Variants in HTR1D observed in about 807,000 individuals in gnomAD.
HTR1D encodes 5-hydroxytryptamine receptor 1D.
HTR1D carries 18 observed loss-of-function variants against 21.1 expected under a neutral mutation model. That is an observed-to-expected ratio of 0.85 (90% CI 0.59 to 1.27). The LOEUF (loss-of-function observed/expected upper bound fraction) is 1.27. HTR1D is among the 50% of genes most tolerant of loss of function. The pLI is 0.00. For missense variants in HTR1D, 456 were observed against 481.4 expected (o/e 0.95, Z 0.49); for synonymous variants, 196 against 204.4 (o/e 0.96, Z 0.35).
intron 1 of HTR1D, among the ~76,000 whole-genome samples, chr1:23,202,073 TTTGTTGTTG>T (rs371581659): frequency 3.9e-4 from 60 of 151,982 alleles, no homozygotes; most frequent in African/African-American, 1.4e-3. Context: ...TTCGTGGTTT[TTTGTTGTTG>T]TTGTTGTTGT....
At position 23,193,518 on chromosome 1, in the gene HTR1D, G is replaced by C. The variant is rs760471283; in HGVS notation, c.702C>G (p.Leu234=). ...ARNRILNPPS[L]YGKRFTTAHL... ...GGGCCGTGGTGAAGCGCTTCCCATA[G>C]AGTGAGGGTGGATTCAGGATGCGGT... The change falls in exon 2 of 2, where the codon CTC becomes CTG. Residue 234 remains leucine (L), a synonymous_variant. Coordinates refer to ENST00000374619, the MANE Select transcript of HTR1D (RefSeq NM_000864.5). The C allele has an allele frequency of 1.9e-6, 3 of 1,613,916 alleles. No homozygotes were observed. Among genetic ancestry groups the C allele is most frequent in the African/African-American group, 2.7e-5 (2 of 74,942 alleles).
In HTR1D at chr1:23,215,372, A is replaced by G. The variant is rs989512034; in HGVS notation, c.-783+1919T>C. 4.7e-5 allele frequency among the ~76,000 whole-genome samples: 7 copies of G among 148,164 alleles called. No homozygotes were observed. In the Middle Eastern group the frequency reaches 0.014, roughly 290 times the overall value. ...GTTGAGGTTGCAGTGAGCCATGATC[A>G]CACCACTACACTCCAGCCTGGGTGA... On this transcript the variant is annotated intron_variant, in intron 1 of 1. Transcript: ENST00000374619.
At position 23,193,652 on chromosome 1, in the gene HTR1D, C is replaced by T. The variant is rs774258888; in HGVS notation, c.568G>A (p.Val190Met). The change falls in exon 2 of 2, where the codon GTG becomes ATG. Residue 190 changes from valine to methionine, a missense_variant. Val to Met is a conservative substitution (Grantham distance 21). Transcript: ENST00000374619. ...GTGTAGGAGATCTGAGAGGTGTTCA[C>T]CAGACAGTCCGACATCTCCTCCTGG... ...KAQEEMSDCL[V>M]NTSQISYTIY... The T allele has an allele frequency of 1.1e-5, 18 of 1,613,444 alleles. 1 individual carries two copies. In the South Asian group the frequency reaches 2.0e-4, roughly 18 times the overall value.
chr1:23,195,596 G>A (rs1023788864), intron 1 of HTR1D, among the ~76,000 whole-genome samples: 7 of 152,148 alleles, frequency 4.6e-5, no homozygotes, highest in Admixed American at 2.0e-4. Context: ...ATGCCATCAC[G>A]CCCAACTAAT....
intron 1 of HTR1D, among the ~76,000 whole-genome samples, chr1:23,195,736 C>T (rs1644686279): frequency 1.3e-5 from 2 of 151,864 alleles, no homozygotes; most frequent in South Asian, 2.1e-4. Flanking sequence ...GTGGCTGGCC[C>T]CTTGAAGCTT....
Position 23,193,927 on chromosome 1 carries a change from T to C in HTR1D, c.293A>G (p.Tyr98Cys), listed in dbSNP as rs1226927543. The change falls in exon 2 of 2, where the codon TAT (tyrosine) becomes TGT (cysteine). Residue 98 changes from tyrosine to cysteine, a missense_variant. By Grantham distance (194) the Tyr-to-Cys change is radical (BLOSUM62 -2). Transcript: ENST00000374619. ...SILVMPISIA[Y>C]TITHTWNFGQ... ...AAAGTTCCAGGTGTGGGTGATGGTA[T>C]AGGCGATGCTGATGGGCATTACCAA... 3.1e-6 allele frequency: 5 copies of C among 1,614,054 alleles called. No individual in the cohort carries two copies. In the African/African-American group the frequency reaches 5.3e-5, roughly 17 times the overall value.
chr1:23,197,387 T>A (rs1234474151), intron 1 of HTR1D, among the ~76,000 whole-genome samples: 1 of 152,206 alleles, frequency 6.6e-6, no homozygotes, highest in Non-Finnish European at 1.5e-5. Flanking sequence ...AGACATGGAC[T>A]GTAGCTCTAT....
At chr1:23,215,495 C>T (rs1464288142) in intron 1 of HTR1D, among the ~76,000 whole-genome samples, 1 of 152,210 alleles carries the variant, frequency 6.6e-6, no homozygotes, top group African/African-American at 2.4e-5. Context: ...CTGACCCCTG[C>T]CCCTCTGTGG....
chr1:23,201,540 A>ACTT (rs1344936517), intron 1 of HTR1D, among the ~76,000 whole-genome samples: 2 of 152,086 alleles, frequency 1.3e-5, no homozygotes, highest in African/African-American at 2.4e-5. Context: ...AAGACAAGGA[A>ACTT]CTTTCTTCTT....
At position 23,193,493 on chromosome 1, in the gene HTR1D, G is replaced by T. The variant is rs781355943; in HGVS notation, c.727C>A (p.His243Asn). 6.2e-7 allele frequency: 1 copy of T among 1,614,056 alleles called. No homozygotes were observed. The highest frequency in any genetic ancestry group is 1.1e-5 in the South Asian group (1 of 91,082). The stretch of plus-strand genomic sequence containing the variant: ...GACCCGGCAGAGCCTGTGATGAGGT[G>T]GGCCGTGGTGAAGCGCTTCCCATAG... ...SLYGKRFTTA[H>N]LITGSAGSSL... is the part of the protein sequence containing the mutation. The change falls in exon 2 of 2, where the codon CAC (histidine) becomes AAC (asparagine). Residue 243 changes from histidine (H) to asparagine (N), a missense_variant. Coordinates refer to ENST00000374619, the MANE Select transcript of HTR1D (RefSeq NM_000864.5).
intron 1 of HTR1D, among the ~76,000 whole-genome samples, chr1:23,206,078 G>A (rs376996915): frequency 7.9e-5 from 12 of 151,076 alleles, no homozygotes; most frequent in East Asian, 3.9e-4. Flanking sequence ...GTCTCGTTCC[G>A]TCACCCAGGC....
chr1:23,216,245 G>A (rs1306869569), intron 1 of HTR1D, among the ~76,000 whole-genome samples: 3 of 152,358 alleles, frequency 2.0e-5, no homozygotes, highest in African/African-American at 7.2e-5. Context: ...AGAGTGGAGG[G>A]GTTGCTGCTG....
At chr1:23,200,923 AC>A (rs2148240208) in intron 1 of HTR1D, among the ~76,000 whole-genome samples, 1 of 151,440 alleles carries the variant, frequency 6.6e-6, no homozygotes, top group South Asian at 2.1e-4. Context: ...CCCCACCTCC[AC>A]CTCCAGGCCA....
At chr1:23,201,694 G>A (rs1459338845) in intron 1 of HTR1D, among the ~76,000 whole-genome samples, 1 of 152,126 alleles carries the variant, frequency 6.6e-6, no homozygotes, top group Non-Finnish European at 1.5e-5. Context: ...TGGGACTACA[G>A]ACACAAGCCA....
chr1:23,214,580 C>T (rs1015187486), intron 1 of HTR1D, among the ~76,000 whole-genome samples: 1 of 152,126 alleles, frequency 6.6e-6, no homozygotes, highest in Non-Finnish European at 1.5e-5. Context: ...ACCAGCTGCC[C>T]GTCTTAAATA....
chr1:23,201,145 GA>G lies in HTR1D; in HGVS notation c.-782-6145del, dbSNP rs1644707794. 2.0e-5 allele frequency among the ~76,000 whole-genome samples: 3 copies of G among 152,332 alleles called. No homozygotes were observed. The South Asian group carries it at 6.2e-4, about 32-fold the overall frequency. On this transcript the variant is annotated intron_variant, in intron 1 of 1. Coordinates refer to ENST00000374619, the MANE Select transcript of HTR1D (RefSeq NM_000864.5). ...ATGAGCCAATCAGATTCTCTCTTGG[GA>G]ATTTAGAATGGAGACCATGGGGAGC...
intron 1 of HTR1D, among the ~76,000 whole-genome samples, chr1:23,209,224 C>T (rs1487777470): frequency 6.6e-6 from 1 of 152,154 alleles, no homozygotes; most frequent in Admixed American, 6.6e-5. Context: ...GTCTCCAAAT[C>T]CTGACCTCAG....
chr1:23,213,249 T>C (rs9426694), intron 1 of HTR1D, among the ~76,000 whole-genome samples: 75,685 of 151,732 alleles, frequency 0.5, 19,714 homozygotes, highest in African/African-American at 0.66. Context: ...GGTTGGGAGG[T>C]CGAGGCTGGC....
chr1:23,196,714 AACGTGGCTCCC>A (rs750881570), intron 1 of HTR1D, among the ~76,000 whole-genome samples: 15 of 152,222 alleles, frequency 9.9e-5, no homozygotes, highest in Non-Finnish European at 2.1e-4. Flanking sequence ...TAAAGTGGGC[AACGTGGCTCCC>A]AACTTATAAT....
Sources: gnomAD v4.1 joint callset for allele counts (sites outside exome capture counted in the v4.1 genomes callset) on GRCh38, gnomAD v4.1.1 for gene constraint, MANE v1.5 for transcripts, NCBI Gene and HGNC (gene_info 2026-07-23, HGNC 2026-07-21) for gene names.